PSMD1: variants seen among roughly 807,000 people sequenced by gnomAD.
PSMD1 encodes proteasome 26S subunit, non-ATPase 1.
PSMD1 carries 18 observed loss-of-function variants against 119.0 expected under a neutral mutation model. The ratio of observed to expected loss-of-function variants is 0.15; its 90% confidence interval spans 0.10 to 0.22. The LOEUF (loss-of-function observed/expected upper bound fraction) is 0.22. Ranked by LOEUF, PSMD1 falls within the 10% of genes least tolerant of loss-of-function variation. The pLI is 1.00. For missense variants in PSMD1, 702 were observed against 1,158.5 expected (o/e 0.61, Z 5.72); for synonymous variants, 374 against 396.6 (o/e 0.94, Z 0.68).
At position 231,107,829 on chromosome 2, in the gene PSMD1, C is replaced by T. The variant is rs79278368; in HGVS notation, c.1883+20648C>T. On this transcript the variant is annotated intron_variant, in intron 16 of 24. Coordinates refer to ENST00000308696, the MANE Select transcript of PSMD1 (RefSeq NM_002807.4). ...CTAATGTGGTTCAGGTACCCAAGAG[C>T]GATTTTATTTGCTTTTTCCTCCTTC... Among the ~76,000 whole-genome samples, 1,162 of 152,252 alleles carry T rather than the reference C, an allele frequency of 7.6e-3. 13 individuals are homozygous for T. Among genetic ancestry groups the T allele is most frequent in the African/African-American group, 0.026 (1,090 of 41,552 alleles).
At chr2:231,150,810 AAAAC>A (rs1696361081) in intron 18 of PSMD1, among the ~76,000 whole-genome samples, 1 of 152,210 alleles carries the variant, frequency 6.6e-6, no homozygotes, top group South Asian at 2.1e-4. Context: ...ACAGACAAAA[AAAAC>A]ACCTCCAAAA....
chr2:231,141,330 A>G (rs1207744341), intron 17 of PSMD1, among the ~76,000 whole-genome samples: 1 of 151,660 alleles, frequency 6.6e-6, no homozygotes, highest in Non-Finnish European at 1.5e-5. Context: ...GCTATTTTTC[A>G]CTACACATGG....
chr2:231,155,671 A>C (rs1696469451), intron 19 of PSMD1, among the ~76,000 whole-genome samples: 1 of 151,428 alleles, frequency 6.6e-6, no homozygotes, highest in Admixed American at 6.6e-5. Flanking sequence ...TTCTTTTCTA[A>C]ATTTTTGAGG....
Position 231,106,018 on chromosome 2 carries a change from GTT to G in PSMD1, c.1883+18851_1883+18852del, listed in dbSNP as rs11296704. Among the ~76,000 whole-genome samples, 874 of 124,612 alleles carry G rather than the reference GTT, an allele frequency of 7.0e-3. 8 individuals carry two copies. Among genetic ancestry groups the G allele is most frequent in the African/African-American group, 0.023 (754 of 33,064 alleles). 81.8% of individuals were successfully genotyped at this position (124,612 alleles called of 152,430 possible). A position where few individuals can be genotyped will look rare whatever the true frequency, so the allele number is the denominator to read the frequency against. The stretch of plus-strand genomic sequence containing the variant: ...ATTGGCAGTAACATGGAATAAAAAG[GTT>G]TTTTTTTTTTTTTCAAAATTATTCT... On this transcript the variant is annotated intron_variant, in intron 16 of 24. Transcript: ENST00000308696.
At chr2:231,165,088 A>ATATATATG (rs1696745204) in intron 21 of PSMD1, 112 bp from the exon 22 acceptor site, 2 of 152,162 alleles carry the variant, frequency 1.3e-5, no homozygotes, top group African/African-American at 3.7e-5. Context: ...ATATATATAT[A>ATATATATG]TATGTAATAC....
chr2:231,059,566 A>G (rs1693705024), intron 1 of PSMD1, among the ~76,000 whole-genome samples: 1 of 152,178 alleles, frequency 6.6e-6, no homozygotes, highest in Non-Finnish European at 1.5e-5. Flanking sequence ...TTTAAACATA[A>G]TACAGACACA....
intron 8 of PSMD1, among the ~76,000 whole-genome samples, chr2:231,076,264 G>A (rs542910644): frequency 1.3e-5 from 2 of 152,292 alleles, no homozygotes; most frequent in Admixed American, 6.5e-5. Context: ...GGAAGGGTAG[G>A]GTAAATATTA....
At chr2:231,121,678 T>C (rs1384213327) in intron 16 of PSMD1, among the ~76,000 whole-genome samples, 3 of 152,202 alleles carry the variant, frequency 2.0e-5, no homozygotes, top group African/African-American at 7.2e-5. Context: ...CTATGGTACT[T>C]TGCCTTTTAA....
chr2:231,167,591 A>G (rs1167125632), intron 23 of PSMD1, among the ~76,000 whole-genome samples: 1 of 152,228 alleles, frequency 6.6e-6, no homozygotes, highest in African/African-American at 2.4e-5. Context: ...CACTCCTTCA[A>G]AGAGTGGGAG....
intron 23 of PSMD1, among the ~76,000 whole-genome samples, chr2:231,168,590 A>G (rs763237304): frequency 2.0e-5 from 3 of 152,224 alleles, no homozygotes; most frequent in Non-Finnish European, 4.4e-5. Context: ...TGAAACATTC[A>G]GAAAAGGCAA....
intron 16 of PSMD1, among the ~76,000 whole-genome samples, chr2:231,094,568 A>G (rs1256325171): frequency 6.6e-6 from 1 of 152,240 alleles, no homozygotes; most frequent in South Asian, 2.1e-4. Context: ...AAAAGTTTCC[A>G]GTGCCAGTAT....
At chr2:231,083,089 T>C (rs1270368546) in intron 13 of PSMD1, 95 bp downstream of exon 13, 24 of 914,288 alleles carry the variant, frequency 2.6e-5, no homozygotes, top group Non-Finnish European at 3.9e-5. Flanking sequence ...CCTCTTAAAA[T>C]TCCGATGGAT....
chr2:231,102,443 G>A (rs1694890785), intron 16 of PSMD1, among the ~76,000 whole-genome samples: 1 of 152,104 alleles, frequency 6.6e-6, no homozygotes, highest in Non-Finnish European at 1.5e-5. Flanking sequence ...GCTACTCATA[G>A]CCTATTATTG....
In PSMD1 at chr2:231,098,555, TTCTCTCTC is replaced by T. The variant is rs145547548; in HGVS notation, c.1883+11389_1883+11396del. ...TCTCTGCCTCTCTTTCCCCTTTCTCTTCTCTCTCTCTCTCTCTCTCTCCCCTCTCTGCT... is the reference window on the plus strand; with the variant it reads ...TCTCTGCCTCTCTTTCCCCTTTCTCTTCTCTCTCTCTCTCCCCTCTCTGCT... On this transcript the variant is annotated intron_variant, in intron 16 of 24. Coordinates refer to ENST00000308696, the MANE Select transcript of PSMD1 (RefSeq NM_002807.4). Among the ~76,000 whole-genome samples, 332 of 147,830 alleles carry T rather than the reference TTCTCTCTC, an allele frequency of 2.2e-3. 1 individual carries two copies. The highest frequency in any genetic ancestry group is 7.7e-3 in the African/African-American group (310 of 40,352).
intron 16 of PSMD1, chr2:231,109,277 G>A (rs1171290004): frequency 6.2e-7 from 1 of 1,614,142 alleles, no homozygotes. Flanking sequence ...AATTGCAAGA[G>A]GTGTGAAGAA....
chr2:231,153,568 A>G lies in PSMD1; in HGVS notation c.2120A>G (p.Asn707Ser). The G allele has an allele frequency of 6.2e-7, 1 of 1,607,286 alleles. No homozygotes were observed. Among genetic ancestry groups the G allele is most frequent in the Admixed American group, 1.7e-5 (1 of 59,256 alleles). The change falls in exon 19 of 25, where the codon AAT becomes AGT. Residue 707 changes from asparagine (N) to serine (S), a missense_variant. By Grantham distance (46) the Asn-to-Ser change is conservative. Coordinates refer to ENST00000308696, the MANE Select transcript of PSMD1 (RefSeq NM_002807.4). ...QQTEITCPKV[N>S]QFRQLYSKVI... ...TTCTTTCTCTTGCTCCTTCAGGTGAATCAGTTCAGACAGCTGTATTCCAAA... is the reference window on the plus strand; with the variant it reads ...TTCTTTCTCTTGCTCCTTCAGGTGAGTCAGTTCAGACAGCTGTATTCCAAA...
At chr2:231,105,102 C>A (rs1694947356) in intron 16 of PSMD1, among the ~76,000 whole-genome samples, 1 of 151,980 alleles carries the variant, frequency 6.6e-6, no homozygotes, top group Admixed American at 6.5e-5. Flanking sequence ...GTGTAAAATT[C>A]TTATGTATAT....
intron 16 of PSMD1, chr2:231,113,825 G>T (rs1294995476): frequency 4.3e-6 from 7 of 1,614,008 alleles, no homozygotes; most frequent in Non-Finnish European, 5.9e-6. Context: ...GCTATGTAAC[G>T]ATCCACTGAA....
At chr2:231,067,423 G>T (rs1693935251) in intron 5 of PSMD1, among the ~76,000 whole-genome samples, 1 of 152,132 alleles carries the variant, frequency 6.6e-6, no homozygotes, top group Non-Finnish European at 1.5e-5. Flanking sequence ...AAACTACTCA[G>T]CTAGATTCCT....
Sources: allele counts gnomAD v4.1 joint callset (sites outside exome capture counted in the v4.1 genomes callset), GRCh38; gene constraint gnomAD v4.1.1; transcripts MANE v1.5; gene names NCBI Gene and HGNC (gene_info 2026-07-23, HGNC 2026-07-21).